Variants in ANKS1B observed in about 807,000 individuals in gnomAD.
The protein encoded by ANKS1B is ankyrin repeat and sterile alpha motif domain containing 1B.
In ANKS1B, 36 loss-of-function variants were observed where a neutral mutation model predicts 148.3. That is an observed-to-expected ratio of 0.24 (90% confidence interval 0.19 to 0.32). The LOEUF is 0.32. Ranked by LOEUF, ANKS1B falls within the 10% of genes least tolerant of loss-of-function variation. ANKS1B has a pLI of 1.00. For synonymous variants in ANKS1B, 542 were observed against 560.8 expected (o/e 0.97, Z 0.47); for missense variants, 1,157 against 1,542.6 (o/e 0.75, Z 4.19).
chr12:99,449,088 GTTCTAAAATTTCTA>G (rs1164672397), intron 10 of ANKS1B, among the ~76,000 whole-genome samples: 1 of 151,714 alleles, frequency 6.6e-6, no homozygotes, highest in Non-Finnish European at 1.5e-5. Flanking sequence ...AGACTTTTCT[GTTCTAAAATTTCTA>G]TTTGGTTCTT....
chr12:99,684,357 T>C (rs1174640102), intron 8 of ANKS1B, among the ~76,000 whole-genome samples: 3 of 130,674 alleles, frequency 2.3e-5, no homozygotes, highest in South Asian at 5.0e-4. Context: ...CAACTCCTTT[T>C]ACAACAGCTG....
intron 17 of ANKS1B, among the ~76,000 whole-genome samples, chr12:98,908,110 A>G (rs562107098): frequency 6.6e-6 from 1 of 152,310 alleles, no homozygotes; most frequent in African/African-American, 2.4e-5. Flanking sequence ...AGTACCAAGC[A>G]CATCCTGGCC....
At chr12:99,141,168 T>C (rs1479553693) in intron 15 of ANKS1B, among the ~76,000 whole-genome samples, 1 of 152,124 alleles carries the variant, frequency 6.6e-6, no homozygotes, top group Non-Finnish European at 1.5e-5. Flanking sequence ...CAAACATGAC[T>C]CCAGTCTCTC....
At chr12:99,505,045 C>G (rs1387997891) in intron 9 of ANKS1B, among the ~76,000 whole-genome samples, 1 of 152,078 alleles carries the variant, frequency 6.6e-6, no homozygotes, top group South Asian at 2.1e-4. Flanking sequence ...ATGAAGTTTG[C>G]TAAAAGGCTG....
intron 8 of ANKS1B, among the ~76,000 whole-genome samples, chr12:99,768,721 G>A (rs181824418): frequency 2.1e-4 from 32 of 151,318 alleles, no homozygotes; most frequent in African/African-American, 7.5e-4. Flanking sequence ...AGCTACTCAG[G>A]AGGCTGAGGC....
intron 1 of ANKS1B, among the ~76,000 whole-genome samples, chr12:99,827,189 T>C (rs2083308523): frequency 6.6e-6 from 1 of 151,990 alleles, no homozygotes; most frequent in Non-Finnish European, 1.5e-5. Context: ...TCAGGGGATA[T>C]ATATACATAC....
intron 12 of ANKS1B, among the ~76,000 whole-genome samples, chr12:99,336,613 T>C (rs551496178): frequency 9.2e-5 from 14 of 152,278 alleles, no homozygotes; most frequent in African/African-American, 2.6e-4. Context: ...CCATCATTTA[T>C]TGAAGAGGCT....
chr12:99,498,978 G>A (rs1161986135), intron 10 of ANKS1B, among the ~76,000 whole-genome samples: 2 of 152,152 alleles, frequency 1.3e-5, no homozygotes, highest in Admixed American at 6.5e-5. Context: ...AGACTTGGAA[G>A]TAATAGGATT....
intron 9 of ANKS1B, among the ~76,000 whole-genome samples, chr12:99,585,105 G>C (rs1353203449): frequency 1.3e-5 from 2 of 152,116 alleles, no homozygotes; most frequent in African/African-American, 4.8e-5. Flanking sequence ...AGTCTCATCT[G>C]AGAAAAGGCA....
At chr12:99,978,264 G>A (rs934768209) in intron 1 of ANKS1B, among the ~76,000 whole-genome samples, 1 of 152,244 alleles carries the variant, frequency 6.6e-6, no homozygotes, top group African/African-American at 2.4e-5. Context: ...AAGAAACTGT[G>A]CAATGGATGG....
intron 17 of ANKS1B, among the ~76,000 whole-genome samples, chr12:98,912,623 G>T (rs1318023123): frequency 3.3e-5 from 5 of 152,168 alleles, no homozygotes; most frequent in Non-Finnish European, 7.3e-5. Flanking sequence ...ACAGTATCTG[G>T]CATATAGAAC....
rs1203239760 is a variant in ANKS1B, at chr12:98,898,212, C to T, written c.2779-66076G>A. 2.6e-5 allele frequency among the ~76,000 whole-genome samples: 4 copies of T among 152,210 alleles called. No individual in the cohort carries two copies. The South Asian group carries it at 8.3e-4, about 32-fold the overall frequency. On this transcript the variant is annotated intron_variant, in intron 17 of 26. Coordinates refer to ENST00000683438, the MANE Select transcript of ANKS1B (RefSeq NM_001352186.2). ...TATAAAAATAAAAATAAAAAATAAA[C>T]AGCTGTTAATTTTGCAAAATAAGTA...
At chr12:99,556,232 T>C (rs748732814) in intron 9 of ANKS1B, among the ~76,000 whole-genome samples, 3 of 152,212 alleles carry the variant, frequency 2.0e-5, no homozygotes, top group Non-Finnish European at 4.4e-5. Flanking sequence ...GTGTTGATAA[T>C]AGTTCCTGAG....
chr12:99,612,592 G>T (rs773342175), intron 9 of ANKS1B, among the ~76,000 whole-genome samples: 6 of 152,082 alleles, frequency 3.9e-5, no homozygotes, highest in Non-Finnish European at 7.4e-5. Context: ...CAAGCACCAT[G>T]AGAGGTTCTT....
chr12:99,800,430 A>G (rs1355784460), intron 4 of ANKS1B, among the ~76,000 whole-genome samples: 2 of 146,068 alleles, frequency 1.4e-5, no homozygotes, highest in Non-Finnish European at 3.0e-5. Context: ...CTAAGCAGAC[A>G]ATACAGAAGC....
chr12:99,280,594 T>A (rs2078281599), intron 12 of ANKS1B, among the ~76,000 whole-genome samples: 1 of 152,116 alleles, frequency 6.6e-6, no homozygotes, highest in Admixed American at 6.5e-5. Context: ...TTTGAACTGG[T>A]AGACTGAGTA....
At chr12:99,468,527 C>T (rs369816934) in intron 10 of ANKS1B, among the ~76,000 whole-genome samples, 9 of 152,124 alleles carry the variant, frequency 5.9e-5, no homozygotes, top group East Asian at 1.9e-4. Context: ...AGAAAATTTT[C>T]GCAACCTACT....
chr12:98,752,996 A>G (rs2098132799), intron 25 of ANKS1B, among the ~76,000 whole-genome samples: 1 of 152,020 alleles, frequency 6.6e-6, no homozygotes, highest in African/African-American at 2.4e-5. Flanking sequence ...TGAGCACGCA[A>G]ACAGTGCTCC....
At chr12:99,420,745 G>C (rs977668172) in intron 11 of ANKS1B, among the ~76,000 whole-genome samples, 1 of 152,074 alleles carries the variant, frequency 6.6e-6, no homozygotes, top group African/African-American at 2.4e-5. Flanking sequence ...AAATAATCAA[G>C]AATTGTTATG....
Sources: gnomAD v4.1 joint callset for allele counts (sites outside exome capture counted in the v4.1 genomes callset) on GRCh38, gnomAD v4.1.1 for gene constraint, MANE v1.5 for transcripts, NCBI Gene and HGNC (gene_info 2026-07-23, HGNC 2026-07-21) for gene names.